LYPLAL1: variants seen among roughly 807,000 people sequenced by gnomAD.
The protein encoded by LYPLAL1 is lysophospholipase-like protein 1.
Under a neutral mutation model 19.7 loss-of-function variants are expected in LYPLAL1, and 23 were observed. The observed-to-expected ratio is 1.17, with a 90% CI of 0.84 to 1.65. The LOEUF (loss-of-function observed/expected upper bound fraction) is 1.65, where lower values mean the gene tolerates loss of function less well. Among genes scored for constraint, LYPLAL1 ranks in the 40% most tolerant of loss-of-function variants. The pLI is 0.00. For synonymous variants in LYPLAL1, 119 were observed against 96.3 expected (o/e 1.24, Z -1.38); for missense variants, 355 against 279.4 (o/e 1.27, Z -1.93).
At chr1:219,226,942 T>C in the LYPLAL1 span, among the ~76,000 whole-genome samples, 1 of 152,176 alleles carries the variant, frequency 6.6e-6, no homozygotes, top group Non-Finnish European at 1.5e-5. Flanking sequence ...ATTCAATATC[T>C]TATGATTGTG....
chr1:219,396,197 C>T, the LYPLAL1 span, among the ~76,000 whole-genome samples: 1 of 151,154 alleles, frequency 6.6e-6, no homozygotes, highest in Non-Finnish European at 1.5e-5. Flanking sequence ...GTGTCTTTTT[C>T]CCCCATTGAT....
At chr1:219,295,689 A>C in the LYPLAL1 span, among the ~76,000 whole-genome samples, 1 of 152,040 alleles carries the variant, frequency 6.6e-6, no homozygotes, top group Non-Finnish European at 1.5e-5. Context: ...CTACTAGTTT[A>C]TTTGCCATTG....
chr1:219,324,633 T>A, the LYPLAL1 span, among the ~76,000 whole-genome samples: 5 of 152,214 alleles, frequency 3.3e-5, no homozygotes, highest in Admixed American at 1.3e-4. Context: ...TAAATCTGCC[T>A]CTTGCTTCAA....
At chr1:219,336,430 A>C in the LYPLAL1 span, among the ~76,000 whole-genome samples, 19,635 of 151,872 alleles carry the variant, frequency 0.13, 1,485 homozygotes, top group African/African-American at 0.21. Context: ...TAAAATAGAT[A>C]ATGAGTAAAA....
intron 1 of LYPLAL1, among the ~76,000 whole-genome samples, chr1:219,175,284 A>G (rs1655721669): frequency 6.6e-6 from 1 of 152,104 alleles, no homozygotes; most frequent in African/African-American, 2.4e-5. Flanking sequence ...GGAGATAGGG[A>G]AGAAGAGGTC....
At chr1:219,391,981 T>A in the LYPLAL1 span, among the ~76,000 whole-genome samples, 1 of 152,190 alleles carries the variant, frequency 6.6e-6, no homozygotes, top group South Asian at 2.1e-4. Context: ...TGGTGGTCAC[T>A]GGATATAAAA....
the LYPLAL1 span, among the ~76,000 whole-genome samples, chr1:219,260,308 A>G: frequency 2.0e-5 from 3 of 151,868 alleles, no homozygotes; most frequent in African/African-American, 7.2e-5. Flanking sequence ...AATTGTATTA[A>G]TGGAAGGGTC....
intron 1 of LYPLAL1, among the ~76,000 whole-genome samples, chr1:219,175,864 T>C (rs1478986037): frequency 6.6e-6 from 1 of 152,228 alleles, no homozygotes; most frequent in Non-Finnish European, 1.5e-5. Flanking sequence ...TTAACTAGAA[T>C]ATGGGCAAAC....
At chr1:219,283,695 A>T in the LYPLAL1 span, among the ~76,000 whole-genome samples, 1 of 152,204 alleles carries the variant, frequency 6.6e-6, no homozygotes, top group East Asian at 1.9e-4. Context: ...ATTTATTAGG[A>T]ACCATAGAAG....
chr1:219,418,732 A>C, the LYPLAL1 span, among the ~76,000 whole-genome samples: 1 of 152,218 alleles, frequency 6.6e-6, no homozygotes, highest in Non-Finnish European at 1.5e-5. Context: ...AATGCCATGC[A>C]TCTATCATTA....
the LYPLAL1 span, among the ~76,000 whole-genome samples, chr1:219,376,547 G>A: frequency 6.6e-6 from 1 of 152,146 alleles, no homozygotes; most frequent in Non-Finnish European, 1.5e-5. Flanking sequence ...TCATGGAATA[G>A]CACAAAATTG....
the LYPLAL1 span, among the ~76,000 whole-genome samples, chr1:219,352,301 C>G: frequency 6.6e-6 from 1 of 152,198 alleles, no homozygotes; most frequent in Non-Finnish European, 1.5e-5. Context: ...GAGGCCGAGG[C>G]GAGAGGATCA....
chr1:219,410,254 G>T, the LYPLAL1 span: 1 of 152,136 alleles, frequency 6.6e-6, no homozygotes, highest in Non-Finnish European at 1.5e-5. Context: ...CTTTATTATT[G>T]TGTTACTAGC....
At chr1:219,394,622 T>A in the LYPLAL1 span, among the ~76,000 whole-genome samples, 30 of 152,232 alleles carry the variant, frequency 2.0e-4, no homozygotes, top group Non-Finnish European at 8.8e-5. Context: ...TTTAGTATAA[T>A]GTTTCTTTCT....
the LYPLAL1 span, among the ~76,000 whole-genome samples, chr1:219,357,437 A>G: frequency 6.6e-6 from 1 of 152,258 alleles, no homozygotes; most frequent in Admixed American, 6.5e-5. Context: ...CAAATAGCAT[A>G]TGAACATATG....
chr1:219,215,439 A>G (rs563712302), downstream of LYPLAL1, among the ~76,000 whole-genome samples: 6 of 152,120 alleles, frequency 3.9e-5, no homozygotes, highest in South Asian at 1.0e-3. Context: ...GTGTCTTGGT[A>G]TAATTTCTCA....
the LYPLAL1 span, among the ~76,000 whole-genome samples, chr1:219,231,579 T>C: frequency 6.6e-6 from 1 of 152,198 alleles, no homozygotes; most frequent in East Asian, 1.9e-4. Context: ...CGAATGTCAC[T>C]AGTAAACGGT....
the LYPLAL1 span, among the ~76,000 whole-genome samples, chr1:219,294,270 C>G: frequency 6.6e-6 from 1 of 152,184 alleles, no homozygotes; most frequent in African/African-American, 2.4e-5. Context: ...TTCTATCTTT[C>G]CTTGGCTTCC....
intron 3 of LYPLAL1, among the ~76,000 whole-genome samples, chr1:219,198,029 CA>C (rs1657752377): frequency 2.0e-5 from 3 of 152,160 alleles, no homozygotes; most frequent in Admixed American, 2.0e-4. Context: ...TAAGCCCCCT[CA>C]AACCCCAAAC....
Sources: gnomAD v4.1 joint callset for allele counts (sites outside exome capture counted in the v4.1 genomes callset) on GRCh38, gnomAD v4.1.1 for gene constraint, MANE v1.5 for transcripts, NCBI Gene and HGNC (gene_info 2026-07-23, HGNC 2026-07-21) for gene names.